OPHN1: variants seen among roughly 807,000 people sequenced by gnomAD.
OPHN1 encodes oligophrenin 1.
A neutral mutation model predicts 60.7 loss-of-function variants in OPHN1; 11 were observed. That is an observed-to-expected ratio of 0.18 (90% confidence interval 0.11 to 0.30). OPHN1 has a LOEUF of 0.30. OPHN1 is among the 10% of genes least tolerant of loss of function. OPHN1 has a pLI of 1.00. For synonymous variants in OPHN1, 226 were observed against 222.6 expected, an observed-to-expected ratio of 1.02 and a Z score of -0.14; for missense variants, 449 against 611.0, an observed-to-expected ratio of 0.73 and a Z score of 2.80.
chrX:68,264,510 T>C (rs1211422202), intron 5 of OPHN1, among the ~76,000 whole-genome samples: 2 of 112,083 alleles, frequency 1.8e-5, no homozygotes, highest in Admixed American at 9.5e-5. Context: ...GAAAAAATGC[T>C]CATCATCACT....
At chrX:68,054,606 C>T (rs1476348548) in intron 21 of OPHN1, among the ~76,000 whole-genome samples, 2 of 110,808 alleles carry the variant, frequency 1.8e-5, no homozygotes, top group South Asian at 3.8e-4. Flanking sequence ...TAAGAAAAAG[C>T]AATTGGCACA....
chrX:68,387,046 T>C (rs1396634856), intron 2 of OPHN1, among the ~76,000 whole-genome samples: 1 of 111,667 alleles, frequency 9.0e-6, no homozygotes, highest in East Asian at 2.8e-4. Flanking sequence ...TTCCCAAATA[T>C]CAGAGAACAA....
chrX:68,365,013 G>A (rs2078491047), intron 2 of OPHN1, among the ~76,000 whole-genome samples: 1 of 112,026 alleles, frequency 8.9e-6, no homozygotes, highest in African/African-American at 3.2e-5. Context: ...GTGAAAGCCT[G>A]TGAGATAATA....
At chrX:68,408,294 AATACATACAC>A (rs1286751138) in intron 2 of OPHN1, among the ~76,000 whole-genome samples, 1 of 111,984 alleles carries the variant, frequency 8.9e-6, no homozygotes, top group African/African-American at 3.2e-5. Context: ...AGGCTCCCCC[AATACATACAC>A]ACACTTCAAT....
At chrX:68,269,433 A>G (rs1365777255) in intron 5 of OPHN1, among the ~76,000 whole-genome samples, 1 of 111,593 alleles carries the variant, frequency 9.0e-6, no homozygotes, top group Non-Finnish European at 1.9e-5. Flanking sequence ...AAATAATGCC[A>G]CATATATACA....
chrX:68,320,719 C>T (rs942775416), intron 2 of OPHN1, among the ~76,000 whole-genome samples: 1 of 110,802 alleles, frequency 9.0e-6, no homozygotes, highest in African/African-American at 3.3e-5. Context: ...AGCATCAGAT[C>T]CCACAGGCTG....
intron 19 of OPHN1, among the ~76,000 whole-genome samples, chrX:68,087,240 C>T (rs2076999024): frequency 8.9e-6 from 1 of 112,204 alleles, no homozygotes; most frequent in African/African-American, 3.2e-5. Flanking sequence ...GCACTGAGTG[C>T]CATTCTAAAG....
At chrX:68,226,967 T>C (rs1295711151) in intron 6 of OPHN1, among the ~76,000 whole-genome samples, 3 of 111,481 alleles carry the variant, frequency 2.7e-5, no homozygotes, top group Non-Finnish European at 5.6e-5. Flanking sequence ...CCCATCATTG[T>C]GCTGTATTCA....
At chrX:68,422,584 GAAGA>G (rs1364489788) in intron 2 of OPHN1, among the ~76,000 whole-genome samples, 6 of 78,698 alleles carry the variant, frequency 7.6e-5, no homozygotes, top group African/African-American at 1.4e-4. Flanking sequence ...AGAAGGGAGG[GAAGA>G]AAGAAAGAAA....
At chrX:68,238,597 TC>T in intron 5 of OPHN1, among the ~76,000 whole-genome samples, 1 of 112,140 alleles carries the variant, frequency 8.9e-6, no homozygotes, top group East Asian at 2.8e-4. Context: ...TTAATGTTTT[TC>T]CCAATAGAGA....
At chrX:68,290,562 G>A (rs903364777) in intron 3 of OPHN1, among the ~76,000 whole-genome samples, 1 of 108,521 alleles carries the variant, frequency 9.2e-6, no homozygotes, top group Non-Finnish European at 1.9e-5. Flanking sequence ...TCGTGCCTCT[G>A]CACTCCAGCC....
chrX:68,279,312 T>C (rs2078009067), intron 4 of OPHN1, among the ~76,000 whole-genome samples: 1 of 106,262 alleles, frequency 9.4e-6, no homozygotes, highest in African/African-American at 3.4e-5. Flanking sequence ...GATTTCACCA[T>C]GTTGACCAGG....
At position 68,291,488 on chromosome X, in the gene OPHN1, C is replaced by G. The variant is rs185317521; in HGVS notation, c.250+7513G>C. ...CCTATGAGAATAGGGGGCTCATGTTCAGCAGTCTCCTCACTCTGCATGAGT... is the reference window on the plus strand; with the variant it reads ...CCTATGAGAATAGGGGGCTCATGTTGAGCAGTCTCCTCACTCTGCATGAGT... On this transcript the variant is annotated intron_variant, in intron 3 of 24. Coordinates refer to ENST00000355520, the MANE Select transcript of OPHN1 (RefSeq NM_002547.3). Among the ~76,000 whole-genome samples the G allele has an allele frequency of 1.3e-4, 14 of 111,178 alleles. No individual in the cohort carries two copies. In the East Asian group the frequency reaches 4.0e-3, roughly 32 times the overall value.
intron 3 of OPHN1, among the ~76,000 whole-genome samples, chrX:68,288,090 G>A (rs2078053852): frequency 8.9e-6 from 1 of 111,995 alleles, no homozygotes; most frequent in African/African-American, 3.2e-5. Flanking sequence ...GACTGCAAAT[G>A]CCTAGAGAAG....
intron 15 of OPHN1, among the ~76,000 whole-genome samples, chrX:68,130,293 A>C (rs745517961): frequency 4.0e-4 from 45 of 111,751 alleles, no homozygotes; most frequent in Non-Finnish European, 7.3e-4. Context: ...ACCTGAAAAA[A>C]GGATGGAGGC....
At chrX:68,255,272 C>A (rs1315618084) in intron 5 of OPHN1, among the ~76,000 whole-genome samples, 1 of 110,773 alleles carries the variant, frequency 9.0e-6, no homozygotes, top group Non-Finnish European at 1.9e-5. Flanking sequence ...AGATGAGCAA[C>A]AATAACTACT....
chrX:68,239,548 G>A (rs1188161974), intron 5 of OPHN1, among the ~76,000 whole-genome samples: 1 of 111,044 alleles, frequency 9.0e-6, no homozygotes, highest in African/African-American at 3.3e-5. Flanking sequence ...CCCCCCTCCC[G>A]TATCAATATT....
intron 2 of OPHN1, among the ~76,000 whole-genome samples, chrX:68,425,576 A>G (rs1290736938): frequency 3.6e-5 from 4 of 111,484 alleles, no homozygotes; most frequent in African/African-American, 1.3e-4. Context: ...TCCGGTTGCC[A>G]AAGTGAAAGC....
chrX:68,263,403 C>A (rs1001155011), intron 5 of OPHN1, among the ~76,000 whole-genome samples: 1 of 111,614 alleles, frequency 9.0e-6, no homozygotes, highest in Non-Finnish European at 1.9e-5. Flanking sequence ...CTTCTCAGTT[C>A]TTTTTTGATT....
Sources: gnomAD v4.1 joint callset for allele counts (sites outside exome capture counted in the v4.1 genomes callset) on GRCh38, gnomAD v4.1.1 for gene constraint, MANE v1.5 for transcripts, NCBI Gene and HGNC (gene_info 2026-07-23, HGNC 2026-07-21) for gene names.